CEP164: variants seen among roughly 807,000 people sequenced by gnomAD.
The protein encoded by CEP164 is centrosomal protein of 164 kDa.
In CEP164, 162 loss-of-function variants were observed where a neutral mutation model predicts 182.7. The observed-to-expected ratio is 0.89, with a 90% CI of 0.78 to 1.01. The LOEUF (loss-of-function observed/expected upper bound fraction) is 1.01. Ranked by LOEUF, CEP164 falls within the 50% of genes least tolerant of loss-of-function variation. The probability of loss-of-function intolerance (pLI) is 0.00; values close to 1 mark genes in which losing one functional copy is unlikely to be tolerated. For synonymous variants in CEP164, 661 were observed against 690.0 expected (o/e 0.96, Z 0.66); for missense variants, 1,735 against 1,790.4 (o/e 0.97, Z 0.56).
intron 15 of CEP164, 115 bp downstream of exon 15, chr11:117,387,527 T>A (rs2044107955): frequency 1.0e-6 from 1 of 992,752 alleles, no homozygotes; most frequent in Non-Finnish European, 1.5e-6. Flanking sequence ...TAAGACCAAC[T>A]AAAGTTGGGA....
In CEP164 at chr11:117,409,990, T is replaced by C; in HGVS notation, c.4096+25T>C. On this transcript the variant is annotated intron_variant, in intron 30 of 32. Coordinates refer to ENST00000278935, the MANE Select transcript of CEP164 (RefSeq NM_014956.5). This position sits in a 1 kb window ranked among gnomAD's most constrained non-coding sequence, Gnocchi z 4.4. Reference sequence around the variant, plus strand: ...TGTAAGCCCCACTCTGGGCGGAGCCTTCCCACCTGCCTCCTCCTCCTCCTC... The same window carrying C: ...TGTAAGCCCCACTCTGGGCGGAGCCCTCCCACCTGCCTCCTCCTCCTCCTC... The C allele has an allele frequency of 1.9e-6, 3 of 1,599,520 alleles. No homozygotes were observed. Among genetic ancestry groups the C allele is most frequent in the Non-Finnish European group, 2.6e-6 (3 of 1,167,938 alleles).
At chr11:117,355,827 C>T in intron 5 of CEP164, 1 of 1,080,580 alleles carries the variant, frequency 9.3e-7, no homozygotes, top group Non-Finnish European at 1.1e-6. Context: ...GAAGATCTAC[C>T]TCAGGGTCTC....
intron 3 of CEP164, among the ~76,000 whole-genome samples, chr11:117,339,500 A>G (rs969503333): frequency 2.7e-5 from 3 of 112,158 alleles, no homozygotes; most frequent in African/African-American, 9.9e-5. Flanking sequence ...GTATTACCTT[A>G]TTACCTTTTC....
rs751277203 is a variant in CEP164 at position 117,351,931 on chromosome 11, GAAA to G, written c.345_347del (p.Lys116del). On this transcript the variant is annotated inframe_deletion, in exon 5 of 33. Coordinates refer to ENST00000278935, the MANE Select transcript of CEP164 (RefSeq NM_014956.5). ...CAACTTCTGGGGCCATTAAGAAGAA[GAAA>G]AAAAAAAAGGAAAAGAAAGACAAGA... 4.0e-6 allele frequency: 5 copies of G among 1,241,306 alleles called. No homozygotes were observed. Among genetic ancestry groups the G allele is most frequent in the Non-Finnish European group, 5.5e-6 (5 of 907,262 alleles). 76.9% of individuals were successfully genotyped at this position (1,241,306 alleles called of 1,614,324 possible). A position where few individuals can be genotyped will look rare whatever the true frequency, so the allele number is the denominator to read the frequency against.
intron 19 of CEP164, 113 bp from the exon 20 acceptor site, chr11:117,392,891 T>C: frequency 6.7e-7 from 1 of 1,494,092 alleles, no homozygotes; most frequent in African/African-American, 1.4e-5. Flanking sequence ...GTGCATGTGT[T>C]GTGTGTGTTG....
chr11:117,396,365 T>C (rs890088750), intron 25 of CEP164, among the ~76,000 whole-genome samples, 185 bp downstream of exon 25: 2 of 152,188 alleles, frequency 1.3e-5, no homozygotes, highest in African/African-American at 2.4e-5. Context: ...CTATGGGACC[T>C]GGTCTGTTCT....
intron 28 of CEP164, 175 bp from the exon 29 acceptor site, chr11:117,408,715 C>G: frequency 1.3e-6 from 1 of 788,060 alleles, no homozygotes; most frequent in Non-Finnish European, 2.0e-6. Context: ...AACAAAATTG[C>G]TAGGAGAACA....
chr11:117,413,167 C>T lies in CEP164; in HGVS notation c.*999C>T, dbSNP rs1341354903. Reference sequence around the variant, plus strand: ...GCAGAGCGTCCTGCAGCCCCGCTTCCATCAGCAGGCTCTGGGGTGGGGGCT... The same window carrying T: ...GCAGAGCGTCCTGCAGCCCCGCTTCTATCAGCAGGCTCTGGGGTGGGGGCT... On this transcript the variant is annotated 3_prime_UTR_variant, in exon 33 of 33. Coordinates refer to ENST00000278935, the MANE Select transcript of CEP164 (RefSeq NM_014956.5). The T allele has an allele frequency of 6.6e-6, 1 of 152,218 alleles. No individual in the cohort carries two copies. The highest frequency in any genetic ancestry group is 1.5e-5 in the Non-Finnish European group (1 of 68,040). 9.4% of individuals were successfully genotyped at this position (152,218 alleles called of 1,614,324 possible).
At chr11:117,343,737 TCTC>T (rs1421745871) in intron 3 of CEP164, among the ~76,000 whole-genome samples, 2 of 151,854 alleles carry the variant, frequency 1.3e-5, no homozygotes, top group African/African-American at 2.4e-5. Context: ...TTCAAGCAGT[TCTC>T]CTGCCTCAGC....
Position 117,394,989 on chromosome 11 carries a change from C to A in CEP164, c.2830C>A (p.Leu944Met), listed in dbSNP as rs535510256. ...TAAAGATGTCAAGGCCAGATTGGCTCTGCTGGAGGTCCAGGTGAGGGATCT... is the reference window on the plus strand; with the variant it reads ...TAAAGATGTCAAGGCCAGATTGGCTATGCTGGAGGTCCAGGTGAGGGATCT... ...RAKDVKARLA[L>M]LEVQEETARR... The change falls in exon 22 of 33, where the codon CTG becomes ATG. Residue 944 changes from leucine (L) to methionine (M), a missense_variant. Physicochemically the swap from Leu to Met is conservative, Grantham distance 15. Transcript: ENST00000278935. The surrounding 1 kb of genome is among the most constrained non-coding windows in gnomAD (Gnocchi z 4.0). 5 of 1,614,070 alleles carry A rather than the reference C, an allele frequency of 3.1e-6. No homozygotes were observed. Among genetic ancestry groups the A allele is most frequent in the Non-Finnish European group, 4.2e-6 (5 of 1,180,022 alleles).
chr11:117,394,318 GC>G lies in CEP164; in HGVS notation c.2617-31del, dbSNP rs766874645. The G allele has an allele frequency of 2.8e-5, 44 of 1,568,726 alleles. No homozygotes were observed. The highest frequency in any genetic ancestry group is 3.5e-5 in the Non-Finnish European group (41 of 1,156,658). ...TTTTGTGGTAGAAGGGGCTGCCGCA[GC>G]TTCCCACCGGTGGGCCCACCCTCCT... On this transcript the variant is annotated intron_variant, in intron 20 of 32. Coordinates refer to ENST00000278935, the MANE Select transcript of CEP164 (RefSeq NM_014956.5). The surrounding 1 kb of genome is among the most constrained non-coding windows in gnomAD (Gnocchi z 4.0).
chr11:117,334,473 G>A (rs774473615), intron 1 of CEP164, among the ~76,000 whole-genome samples: 17 of 152,208 alleles, frequency 1.1e-4, no homozygotes, highest in Non-Finnish European at 2.5e-4. Flanking sequence ...ATTTCCCAGA[G>A]TTTTCCTGAT....
intron 8 of CEP164, among the ~76,000 whole-genome samples, chr11:117,366,579 G>A (rs929398303): frequency 7.9e-5 from 12 of 152,212 alleles, no homozygotes; most frequent in African/African-American, 2.9e-4. Flanking sequence ...CCCATCAGTG[G>A]ATCAAAGGAG....
intron 14 of CEP164, among the ~76,000 whole-genome samples, chr11:117,383,320 A>T (rs954511360): frequency 3.9e-5 from 6 of 152,208 alleles, no homozygotes; most frequent in African/African-American, 1.4e-4. Flanking sequence ...CCTAAAGTGT[A>T]CAGTTCAGTG....
intron 5 of CEP164, chr11:117,355,999 GAGC>G (rs6144525): frequency 2.2e-4 from 249 of 1,121,222 alleles, no homozygotes; most frequent in South Asian, 9.6e-4. Flanking sequence ...CTGACTTGGA[GAGC>G]AGCAGCAGCA....
At chr11:117,346,725 G>T (rs954823398) in intron 4 of CEP164, among the ~76,000 whole-genome samples, 1 of 151,990 alleles carries the variant, frequency 6.6e-6, no homozygotes, top group African/African-American at 2.4e-5. Context: ...TTAGCTGGGG[G>T]TGATGACATG....
At chr11:117,397,474 A>G (rs2045630056) in intron 27 of CEP164, among the ~76,000 whole-genome samples, 161 bp downstream of exon 27, 1 of 152,234 alleles carries the variant, frequency 6.6e-6, no homozygotes, top group South Asian at 2.1e-4. Flanking sequence ...AATGCATAGT[A>G]TGCAAACACC....
At chr11:117,348,131 G>C (rs1287945572) in intron 4 of CEP164, among the ~76,000 whole-genome samples, 1 of 151,902 alleles carries the variant, frequency 6.6e-6, no homozygotes, top group Admixed American at 6.6e-5. Flanking sequence ...CACCATGCCT[G>C]GCTAATTTTT....
intron 1 of CEP164, among the ~76,000 whole-genome samples, chr11:117,322,004 G>GT (rs1399483445): frequency 2.6e-5 from 4 of 152,048 alleles, no homozygotes; most frequent in Admixed American, 1.3e-4. Context: ...GGCTGTTACT[G>GT]TTTTTTGATT....
Sources: allele counts gnomAD v4.1 joint callset (sites outside exome capture counted in the v4.1 genomes callset), GRCh38; gene constraint gnomAD v4.1.1; non-coding constraint Gnocchi (gnomAD v3.1); transcripts MANE v1.5; gene names NCBI Gene and HGNC (gene_info 2026-07-23, HGNC 2026-07-21).